DCDC2C: variants seen among roughly 807,000 people sequenced by gnomAD.
DCDC2C encodes the protein doublecortin domain containing 2C.
Under a neutral mutation model 45.0 loss-of-function variants are expected in DCDC2C, and 44 were observed. The ratio of observed to expected loss-of-function variants is 0.98; its 90% CI spans 0.77 to 1.26. The LOEUF is 1.26. DCDC2C is among the 50% of genes most tolerant of loss of function. The probability of loss-of-function intolerance (pLI) is 0.00; values close to 1 mark genes in which losing one functional copy is unlikely to be tolerated. For synonymous variants in DCDC2C, 187 were observed against 178.8 expected, an observed-to-expected ratio of 1.05 and a Z score of -0.37; for missense variants, 447 against 468.9, an observed-to-expected ratio of 0.95 and a Z score of 0.43.
At chr2:3,721,188 GC>G (rs1328310181) in intron 2 of DCDC2C, among the ~76,000 whole-genome samples, 2 of 152,088 alleles carry the variant, frequency 1.3e-5, no homozygotes, top group African/African-American at 4.8e-5. Context: ...CAAAGAGCCA[GC>G]TTTTGGCTCA....
chr2:3,778,033 A>G (rs13008783), intron 8 of DCDC2C, among the ~76,000 whole-genome samples: 19,275 of 79,686 alleles, frequency 0.24, 2,434 homozygotes, highest in East Asian at 0.51. Flanking sequence ...CTCCATCAGT[A>G]GGTTACCTGA....
rs551877020 is a variant in DCDC2C at position 3,784,782 on chromosome 2, G to C, written c.1024-277G>C. Among the ~76,000 whole-genome samples the C allele has an allele frequency of 2.0e-5, 3 of 152,212 alleles. No individual in the cohort carries two copies. The East Asian group carries it at 5.8e-4, about 29-fold the overall frequency. ...AAATCAAAGTGTAACAGAGAATACA[G>C]GTATGACATGCGCCTTTTGCATAAG... On this transcript the variant is annotated intron_variant, in intron 9 of 10. Coordinates refer to ENST00000399143, the MANE Select transcript of DCDC2C (RefSeq NM_001287444.2).
At chr2:3,746,828 C>T (rs748017143) in intron 4 of DCDC2C, among the ~76,000 whole-genome samples, 14 of 151,972 alleles carry the variant, frequency 9.2e-5, no homozygotes, top group Non-Finnish European at 1.3e-4. Context: ...GAGCAGAAGG[C>T]GTTGAGAGGA....
intron 1 of DCDC2C, among the ~76,000 whole-genome samples, chr2:3,707,851 C>A (rs564208796): frequency 1.3e-5 from 2 of 152,278 alleles, no homozygotes; most frequent in East Asian, 3.9e-4. Flanking sequence ...CTAAGTTGAC[C>A]CTTCTCTGAA....
chr2:3,837,622 A>AGACAGTATCAAG lies in DCDC2C; in HGVS notation c.1066-9532_1066-9531insGACAGTATCAAG, dbSNP rs1558249632. On this transcript the variant is annotated intron_variant, in intron 10 of 10. Transcript: ENST00000399143. The stretch of plus-strand genomic sequence containing the variant: ...TCATCTAAAGGGGAAGAAACTGAGG[A>AGACAGTATCAAG]AGAAATCAGCCTTTGGCTCCCCCTT... 4.8e-5 allele frequency among the ~76,000 whole-genome samples: 6 copies of AGACAGTATCAAG among 124,482 alleles called. 3 individuals are homozygous for AGACAGTATCAAG. The highest frequency in any genetic ancestry group is 1.1e-4 in the Non-Finnish European group (6 of 53,998). 81.7% of individuals were successfully genotyped at this position (124,482 alleles called of 152,430 possible).
chr2:3,749,159 T>G (rs1283643209), intron 4 of DCDC2C, among the ~76,000 whole-genome samples: 12 of 152,254 alleles, frequency 7.9e-5, no homozygotes. Context: ...ATCCCCAATC[T>G]TTAAGGTTCA....
chr2:3,745,992 T>C (rs1459868759), intron 4 of DCDC2C, among the ~76,000 whole-genome samples: 1 of 152,162 alleles, frequency 6.6e-6, no homozygotes, highest in African/African-American at 2.4e-5. Flanking sequence ...GAATAATGTA[T>C]CCAAATAGCT....
rs11681761 is a variant in DCDC2C at position 3,769,098 on chromosome 2, C to T, written c.854-213C>T. The T allele has an allele frequency of 8.5e-3, 4,353 of 512,618 alleles. 173 individuals carry two copies. Among genetic ancestry groups the T allele is most frequent in the African/African-American group, 0.075 (3,926 of 52,366 alleles). The allele number at this position is 512,618 out of a possible 1,614,324, so 31.8% of individuals were successfully genotyped here. A position where few individuals can be genotyped will look rare whatever the true frequency, so the allele number is the denominator to read the frequency against. ...AGACAAAAGCAGACGGGGCTAAAAT[C>T]GAGGCCACCACGCTGAGCACCTTGG... On this transcript the variant is annotated intron_variant, in intron 7 of 10. Coordinates refer to ENST00000399143, the MANE Select transcript of DCDC2C (RefSeq NM_001287444.2).
At chr2:3,721,985 G>A (rs1186200637) in intron 2 of DCDC2C, among the ~76,000 whole-genome samples, 3 of 152,206 alleles carry the variant, frequency 2.0e-5, no homozygotes, top group South Asian at 2.1e-4. Context: ...TATCAGCAGC[G>A]TGAAAACAAA....
intron 2 of DCDC2C, 84 bp downstream of exon 2, chr2:3,708,684 G>A: frequency 1.8e-6 from 2 of 1,091,156 alleles, no homozygotes; most frequent in South Asian, 2.8e-5. Context: ...AATAATTGAA[G>A]TTTCACAGAA....
chr2:3,751,821 G>A (rs1047874375), intron 4 of DCDC2C, among the ~76,000 whole-genome samples: 3 of 152,138 alleles, frequency 2.0e-5, no homozygotes, highest in African/African-American at 7.2e-5. Flanking sequence ...ACAGCTGCCC[G>A]CTCACTAGTG....
At chr2:3,821,646 CT>C (rs1251965323) in intron 10 of DCDC2C, among the ~76,000 whole-genome samples, 2 of 152,146 alleles carry the variant, frequency 1.3e-5, no homozygotes, top group African/African-American at 4.8e-5. Flanking sequence ...ATGTGGTTTT[CT>C]TTTCCAGTGT....
At chr2:3,767,972 C>G in intron 7 of DCDC2C, 92 bp downstream of exon 7, 1 of 1,263,888 alleles carries the variant, frequency 7.9e-7, no homozygotes, top group Non-Finnish European at 1.0e-6. Flanking sequence ...ATCTTATACT[C>G]CAGAAATATT....
At chr2:3,839,827 G>A (rs889487723) in intron 10 of DCDC2C, among the ~76,000 whole-genome samples, 2 of 152,118 alleles carry the variant, frequency 1.3e-5, no homozygotes, top group Non-Finnish European at 2.9e-5. Context: ...CTCATTATTT[G>A]GCTACTGAGT....
intron 10 of DCDC2C, among the ~76,000 whole-genome samples, chr2:3,814,452 C>T (rs1671503517): frequency 6.6e-6 from 1 of 152,184 alleles, no homozygotes. Flanking sequence ...AGCTTCTTTG[C>T]ATTGGGTTAG....
intron 10 of DCDC2C, among the ~76,000 whole-genome samples, chr2:3,797,957 G>A (rs1356807636): frequency 6.6e-6 from 1 of 151,224 alleles, no homozygotes; most frequent in Non-Finnish European, 1.5e-5. Flanking sequence ...TCTGTCTAAT[G>A]TTGACAGTGG....
intron 10 of DCDC2C, among the ~76,000 whole-genome samples, chr2:3,844,807 A>T (rs1049521863): frequency 7.2e-5 from 11 of 152,180 alleles, no homozygotes; most frequent in African/African-American, 2.7e-4. Flanking sequence ...TGGGTGAATC[A>T]TTGCCCGCTG....
intron 10 of DCDC2C, among the ~76,000 whole-genome samples, chr2:3,834,669 A>G (rs1483949417): frequency 6.6e-6 from 1 of 152,190 alleles, no homozygotes; most frequent in African/African-American, 2.4e-5. Flanking sequence ...CCTAGTATTT[A>G]AGATTCCCAT....
chr2:3,821,527 G>T (rs1337453652), intron 10 of DCDC2C, among the ~76,000 whole-genome samples: 1 of 152,162 alleles, frequency 6.6e-6, no homozygotes, highest in Non-Finnish European at 1.5e-5. Context: ...TTTTATAGAT[G>T]CCATTTATTA....
Sources: allele counts gnomAD v4.1 joint callset (sites outside exome capture counted in the v4.1 genomes callset), GRCh38; gene constraint gnomAD v4.1.1; transcripts MANE v1.5; gene names NCBI Gene and HGNC (gene_info 2026-07-23, HGNC 2026-07-21).